Variants in SLC22A23 observed in about 807,000 individuals in gnomAD.
SLC22A23 encodes solute carrier family 22 member 23.
Under a neutral mutation model 61.0 loss-of-function variants are expected in SLC22A23, and 26 were observed. The observed-to-expected ratio is 0.43, with a 90% CI of 0.31 to 0.59. The LOEUF (loss-of-function observed/expected upper bound fraction) is 0.59, where lower values mean the gene tolerates loss of function less well. Ranked by LOEUF, SLC22A23 falls within the 20% of genes least tolerant of loss-of-function variation. The pLI, the probability that SLC22A23 is intolerant of heterozygous loss-of-function variation, is 0.11. For synonymous variants in SLC22A23, 430 were observed against 413.9 expected, an observed-to-expected ratio of 1.04 and a Z score of -0.47; for missense variants, 796 against 934.7, an observed-to-expected ratio of 0.85 and a Z score of 1.94.
chr6:3,442,652 T>C (rs34350312), intron 1 of SLC22A23, among the ~76,000 whole-genome samples: 7 of 152,064 alleles, frequency 4.6e-5, no homozygotes, highest in Non-Finnish European at 1.0e-4. Context: ...GCTAAGTACA[T>C]AACCCGTCCA....
chr6:3,283,651 G>A (rs921404455), intron 9 of SLC22A23: 1 of 699,814 alleles, frequency 1.4e-6, no homozygotes, highest in Non-Finnish European at 2.3e-6. Flanking sequence ...GCCTGGACAG[G>A]ACCCCAGGGC....
At chr6:3,434,830 G>A (rs1771102569) in intron 1 of SLC22A23, among the ~76,000 whole-genome samples, 1 of 152,158 alleles carries the variant, frequency 6.6e-6, no homozygotes, top group African/African-American at 2.4e-5. Context: ...CCTCCCTTGT[G>A]CTTAGGAAAT....
rs1162881465 is a variant in SLC22A23, at chr6:3,318,870, C to A, written c.1082+4964G>T. 6.6e-6 allele frequency among the ~76,000 whole-genome samples: 1 copy of A among 152,154 alleles called. No individual in the cohort carries two copies. Among genetic ancestry groups the A allele is most frequent in the Non-Finnish European group, 1.5e-5 (1 of 68,032 alleles). ...CTCAGGAAACAGACCCAGCTGCCAT[C>A]ACTGCCTCCTCTCTCACCTTTGAGA... On this transcript the variant is annotated intron_variant, in intron 4 of 9. Transcript: ENST00000406686. This position sits in a 1 kb window ranked among gnomAD's most constrained non-coding sequence, Gnocchi z 4.3.
At chr6:3,438,431 C>T (rs1445923113) in intron 1 of SLC22A23, 6 of 440,390 alleles carry the variant, frequency 1.4e-5, no homozygotes, top group African/African-American at 1.0e-4. Flanking sequence ...CTGCCTGGGC[C>T]CCTGGCGGGA....
rs191957748 is a variant in SLC22A23, at chr6:3,425,524, T to C, written c.655-9669A>G. On this transcript the variant is annotated intron_variant, in intron 1 of 9. Transcript: ENST00000406686. The stretch of plus-strand genomic sequence containing the variant: ...TGGTCTCAATCTCCTGACCTCATGA[T>C]CCGCCCACCTCGGCCTCCCAAAGCG... Among the ~76,000 whole-genome samples, 8 of 152,236 alleles carry C rather than the reference T, an allele frequency of 5.3e-5. No homozygotes were observed. The East Asian group carries it at 1.3e-3, about 26-fold the overall frequency.
intron 3 of SLC22A23, among the ~76,000 whole-genome samples, chr6:3,367,648 G>C (rs571276795): frequency 6.6e-6 from 1 of 152,190 alleles, no homozygotes; most frequent in East Asian, 1.9e-4. Flanking sequence ...AAGTTAGGTT[G>C]CCCAAAGTCA....
chr6:3,420,884 C>T (rs1441373044), intron 1 of SLC22A23, among the ~76,000 whole-genome samples: 1 of 152,060 alleles, frequency 6.6e-6, no homozygotes, highest in East Asian at 1.9e-4. Flanking sequence ...GTGGGAGGGT[C>T]ACTTGAGGTC....
In SLC22A23 at chr6:3,272,537, ACT is replaced by A. The variant is rs1324702758; in HGVS notation, c.*516_*517del. 2 of 152,634 alleles carry A rather than the reference ACT, an allele frequency of 1.3e-5. No homozygotes were observed. The highest frequency in any genetic ancestry group is 1.5e-5 in the Non-Finnish European group (1 of 68,072). The allele number at this position is 152,634 out of a possible 1,614,324, so 9.5% of individuals were successfully genotyped here. A position where few individuals can be genotyped will look rare whatever the true frequency, so the allele number is the denominator to read the frequency against. On this transcript the variant is annotated 3_prime_UTR_variant, in exon 10 of 10. Transcript: ENST00000406686. ...AAGGACCTTAAAAAACCATACACAG[ACT>A]CTAGCAAAAGCCAAATTCATGTACA...
Position 3,414,894 on chromosome 6 carries a change from G to A in SLC22A23, c.758+858C>T, listed in dbSNP as rs571275592. Among the ~76,000 whole-genome samples the A allele has an allele frequency of 1.4e-4, 22 of 152,252 alleles. No homozygotes were observed. Among genetic ancestry groups the A allele is most frequent in the African/African-American group, 4.6e-4 (19 of 41,546 alleles). On this transcript the variant is annotated intron_variant, in intron 2 of 9. Coordinates refer to ENST00000406686, the MANE Select transcript of SLC22A23 (RefSeq NM_015482.2). The surrounding 1 kb of genome is among the most constrained non-coding windows in gnomAD (Gnocchi z 5.1). The stretch of plus-strand genomic sequence containing the variant: ...GCTGCTGCCCCTGTGACCACAGAAT[G>A]CCTTAAATAAAAGCGCTGCAGCATC...
intron 4 of SLC22A23, chr6:3,313,657 G>A (rs1392182345): frequency 6.6e-6 from 1 of 152,208 alleles, no homozygotes; most frequent in Admixed American, 6.5e-5. Flanking sequence ...GGAAGTTGTT[G>A]TGTCTGTCAA....
chr6:3,350,676 G>A (rs997908112), intron 3 of SLC22A23, among the ~76,000 whole-genome samples: 2 of 152,324 alleles, frequency 1.3e-5, no homozygotes, highest in African/African-American at 4.8e-5. Context: ...TCGTCAAACT[G>A]GTTGTCAGAG....
In SLC22A23 at chr6:3,372,010, C is replaced by T. The variant is rs759200616; in HGVS notation, c.913+38178G>A. 1.1e-4 allele frequency among the ~76,000 whole-genome samples: 16 copies of T among 152,198 alleles called. No individual in the cohort carries two copies. The highest frequency in any genetic ancestry group is 2.1e-4 in the Non-Finnish European group (14 of 68,030). ...CAATATGGTATCTTCTTTAATCCCA[C>T]GACCATCCCAGGAGGTATGTACTCT... On this transcript the variant is annotated intron_variant, in intron 3 of 9. Coordinates refer to ENST00000406686, the MANE Select transcript of SLC22A23 (RefSeq NM_015482.2). The surrounding 1 kb of genome is among the most constrained non-coding windows in gnomAD (Gnocchi z 4.7).
At chr6:3,382,322 G>C (rs1767002376) in intron 3 of SLC22A23, among the ~76,000 whole-genome samples, 1 of 152,232 alleles carries the variant, frequency 6.6e-6, no homozygotes, top group African/African-American at 2.4e-5. Flanking sequence ...TCTCATGGTA[G>C]TATTTTTAGT....
At chr6:3,379,901 A>G (rs541776608) in intron 3 of SLC22A23, among the ~76,000 whole-genome samples, 101 of 152,286 alleles carry the variant, frequency 6.6e-4, no homozygotes, top group Non-Finnish European at 1.2e-3. Flanking sequence ...TTTCCCCAGT[A>G]TCAGGGATCT....
intron 6 of SLC22A23, among the ~76,000 whole-genome samples, chr6:3,287,669 G>C (rs1012609504): frequency 2.4e-5 from 3 of 123,950 alleles, no homozygotes; most frequent in Admixed American, 8.8e-5. Flanking sequence ...GGGTCCACAG[G>C]AAACTGTTTT....
chr6:3,385,001 A>G (rs909619449), intron 3 of SLC22A23, among the ~76,000 whole-genome samples: 1 of 152,262 alleles, frequency 6.6e-6, no homozygotes, highest in African/African-American at 2.4e-5. Context: ...CAAATGCTGT[A>G]TGAATCCATT....
chr6:3,297,668 G>A lies in SLC22A23; in HGVS notation c.1210+423C>T, dbSNP rs1328699335. ...CTGTCTTCAGCTGCCCAACAAATAG[G>A]TCATGGCCAGGTAAAGACAATGGTG... is the stretch of plus-strand genomic sequence containing the variant. On this transcript the variant is annotated intron_variant, in intron 5 of 9. Coordinates refer to ENST00000406686, the MANE Select transcript of SLC22A23 (RefSeq NM_015482.2). The surrounding 1 kb of genome is among the most constrained non-coding windows in gnomAD (Gnocchi z 4.3). Among the ~76,000 whole-genome samples the A allele has an allele frequency of 6.6e-6, 1 of 152,122 alleles. No homozygotes were observed. The highest frequency in any genetic ancestry group is 2.4e-5 in the African/African-American group (1 of 41,418).
chr6:3,362,731 C>T (rs1220208537), intron 3 of SLC22A23, among the ~76,000 whole-genome samples: 1 of 152,166 alleles, frequency 6.6e-6, no homozygotes, highest in Non-Finnish European at 1.5e-5. Context: ...CAGAGCCCAG[C>T]TCTCTCCATG....
chr6:3,349,895 C>G (rs1395781699), intron 3 of SLC22A23, among the ~76,000 whole-genome samples: 2 of 152,238 alleles, frequency 1.3e-5, no homozygotes, highest in East Asian at 1.9e-4. Flanking sequence ...GACAGAGCAC[C>G]TCTTCCAGGG....
Sources: gnomAD v4.1 joint callset for allele counts (sites outside exome capture counted in the v4.1 genomes callset) on GRCh38, gnomAD v4.1.1 for gene constraint, Gnocchi (gnomAD v3.1) non-coding constraint, MANE v1.5 for transcripts, NCBI Gene and HGNC (gene_info 2026-07-23, HGNC 2026-07-21) for gene names.